The following BANK1 variants were observed in gnomAD, a reference collection of about 807,000 sequenced individuals.
The protein encoded by BANK1 is B-cell scaffold protein with ankyrin repeats.
A neutral mutation model predicts 94.5 loss-of-function variants in BANK1; 95 were observed. The ratio of observed to expected loss-of-function variants is 1.00; its 90% CI spans 0.85 to 1.19. The LOEUF is 1.19. BANK1 is among the 50% of genes most tolerant of loss of function. The probability of loss-of-function intolerance (pLI) is 0.00; values close to 1 mark genes in which losing one functional copy is unlikely to be tolerated. For synonymous variants in BANK1, 334 were observed against 308.4 expected (o/e 1.08, Z -0.87); for missense variants, 987 against 932.2 (o/e 1.06, Z -0.77).
At chr4:101,970,406 G>C (rs1392014933) in intron 7 of BANK1, among the ~76,000 whole-genome samples, 2 of 152,122 alleles carry the variant, frequency 1.3e-5, no homozygotes, top group African/African-American at 4.8e-5. Context: ...AAGTGGGAAA[G>C]TTAAAGTAAC....
chr4:102,022,056 G>T (rs981785395), intron 8 of BANK1, among the ~76,000 whole-genome samples: 1 of 151,668 alleles, frequency 6.6e-6, no homozygotes, highest in Admixed American at 6.6e-5. Flanking sequence ...GTATATAAAC[G>T]TATATGTGTA....
At chr4:102,035,661 A>C (rs1458702349) in intron 10 of BANK1, among the ~76,000 whole-genome samples, 1 of 151,806 alleles carries the variant, frequency 6.6e-6, no homozygotes, top group African/African-American at 2.4e-5. Context: ...AAAAAAAAAA[A>C]AAAACTGAAC....
chr4:101,871,187 G>T (rs1217089039), intron 5 of BANK1, among the ~76,000 whole-genome samples: 1 of 151,934 alleles, frequency 6.6e-6, no homozygotes, highest in Non-Finnish European at 1.5e-5. Context: ...TTTTCTTTGT[G>T]ATGTTTATTG....
At chr4:101,826,395 G>A (rs1306091590) in intron 1 of BANK1, among the ~76,000 whole-genome samples, 1 of 151,988 alleles carries the variant, frequency 6.6e-6, no homozygotes, top group Non-Finnish European at 1.5e-5. Flanking sequence ...GAAAACATTA[G>A]TACTTACTTA....
At position 101,816,732 on chromosome 4, in the gene BANK1, A is replaced by T. The variant is rs145119234; in HGVS notation, c.71-13076A>T. 6.5e-3 allele frequency among the ~76,000 whole-genome samples: 997 copies of T among 152,220 alleles called. 11 individuals are homozygous for T. The highest frequency in any genetic ancestry group is 0.023 in the African/African-American group (944 of 41,532). On this transcript the variant is annotated intron_variant, in intron 1 of 16. Coordinates refer to ENST00000322953, the MANE Select transcript of BANK1 (RefSeq NM_017935.5). ...CTGAGTCTGGTTTTGTATATATCAT[A>T]CTTTTTTCTAATGGAATATTATTTC...
intron 7 of BANK1, among the ~76,000 whole-genome samples, chr4:101,960,142 C>T (rs1724519339): frequency 6.6e-6 from 1 of 152,050 alleles, no homozygotes; most frequent in Non-Finnish European, 1.5e-5. Context: ...ACTAGGAGGG[C>T]ATTTTTACTG....
chr4:101,845,724 A>G (rs559680856), intron 2 of BANK1, among the ~76,000 whole-genome samples: 8 of 152,252 alleles, frequency 5.3e-5, no homozygotes, highest in Non-Finnish European at 1.2e-4. Flanking sequence ...TGACTTACTC[A>G]TAAATTGTCA....
intron 7 of BANK1, among the ~76,000 whole-genome samples, chr4:101,928,848 A>C (rs1054128068): frequency 9.3e-5 from 14 of 151,198 alleles, no homozygotes; most frequent in Admixed American, 5.9e-4. Flanking sequence ...TTCACGGCCC[A>C]TTATATGCCA....
intron 6 of BANK1, among the ~76,000 whole-genome samples, chr4:101,912,053 A>G (rs767422989): frequency 2.0e-5 from 3 of 152,138 alleles, no homozygotes; most frequent in Non-Finnish European, 2.9e-5. Context: ...ACACACACAC[A>G]TACACACACA....
intron 7 of BANK1, among the ~76,000 whole-genome samples, chr4:101,933,849 T>C (rs747271299): frequency 1.4e-4 from 21 of 151,446 alleles, no homozygotes; most frequent in Non-Finnish European, 3.0e-4. Flanking sequence ...GCCCTAACTG[T>C]GTATAGTTTT....
intron 5 of BANK1, among the ~76,000 whole-genome samples, chr4:101,889,660 G>A (rs1578380509): frequency 7.4e-6 from 1 of 135,818 alleles, no homozygotes; most frequent in Admixed American, 7.3e-5. Context: ...TTTCTTTATT[G>A]TTTTCATACT....
intron 10 of BANK1, among the ~76,000 whole-genome samples, chr4:102,042,510 A>C (rs1475490785): frequency 6.6e-6 from 1 of 152,040 alleles, no homozygotes; most frequent in Non-Finnish European, 1.5e-5. Context: ...AGCATCTGGC[A>C]AATCATACAT....
chr4:101,868,381 G>A (rs1034131086), intron 4 of BANK1, among the ~76,000 whole-genome samples: 4 of 151,876 alleles, frequency 2.6e-5, no homozygotes, highest in Admixed American at 2.0e-4. Context: ...ATGAACAGAA[G>A]CATTATATAA....
intron 11 of BANK1, among the ~76,000 whole-genome samples, chr4:102,056,628 C>CAGTT (rs1002980030): frequency 6.6e-6 from 1 of 151,616 alleles, no homozygotes; most frequent in Non-Finnish European, 1.5e-5. Context: ...TAATGAGTGG[C>CAGTT]AGTTATTTCA....
intron 4 of BANK1, among the ~76,000 whole-genome samples, chr4:101,865,960 C>T (rs34814827): frequency 0.35 from 52,405 of 151,862 alleles, 9,344 homozygotes; most frequent in African/African-American, 0.39. Context: ...AACTCCTAAA[C>T]GGATTCCTAT....
chr4:102,041,613 C>G (rs916064595), intron 10 of BANK1, among the ~76,000 whole-genome samples: 1 of 151,896 alleles, frequency 6.6e-6, no homozygotes, highest in Non-Finnish European at 1.5e-5. Flanking sequence ...GTAGAGGGAA[C>G]CTTTAAACTC....
intron 5 of BANK1, among the ~76,000 whole-genome samples, chr4:101,884,854 C>G (rs962651884): frequency 1.3e-5 from 2 of 152,152 alleles, no homozygotes; most frequent in African/African-American, 4.8e-5. Context: ...AGTTCTTGCA[C>G]ACCTCCTACT....
chr4:101,950,716 A>G (rs1208936705), intron 7 of BANK1, among the ~76,000 whole-genome samples: 1 of 152,188 alleles, frequency 6.6e-6, no homozygotes, highest in East Asian at 1.9e-4. Context: ...GGTGGAGACC[A>G]CCTTCACAGT....
chr4:101,843,180 C>A (rs1327743518), intron 2 of BANK1, among the ~76,000 whole-genome samples: 1 of 152,088 alleles, frequency 6.6e-6, no homozygotes, highest in Non-Finnish European at 1.5e-5. Flanking sequence ...TTTTAATGTA[C>A]CATCTTCTTA....
Sources: gnomAD v4.1 joint callset for allele counts (sites outside exome capture counted in the v4.1 genomes callset) on GRCh38, gnomAD v4.1.1 for gene constraint, MANE v1.5 for transcripts, NCBI Gene and HGNC (gene_info 2026-07-23, HGNC 2026-07-21) for gene names.